Variants in LRRC74A observed in about 807,000 individuals in gnomAD.
LRRC74A encodes leucine rich repeat containing 74A.
A neutral mutation model predicts 57.9 loss-of-function variants in LRRC74A; 44 were observed. That is an observed-to-expected ratio of 0.76 (90% confidence interval 0.60 to 0.98). LRRC74A has a LOEUF of 0.98. LRRC74A is among the 50% of genes least tolerant of loss of function. The pLI, the probability that LRRC74A is intolerant of heterozygous loss-of-function variation, is 0.00. For synonymous variants in LRRC74A, 211 were observed against 219.4 expected (o/e 0.96, Z 0.34); for missense variants, 572 against 574.0 (o/e 1.00, Z 0.04).
intron 11 of LRRC74A, among the ~76,000 whole-genome samples, chr14:76,862,757 T>C (rs1217006060): frequency 1.3e-5 from 2 of 151,658 alleles, no homozygotes; most frequent in Non-Finnish European, 1.5e-5. Flanking sequence ...CCAGCAAAGG[T>C]GCTGAGGTGG....
At chr14:76,865,918 C>A (rs754207024) in intron 11 of LRRC74A, 50 bp from the exon 12 acceptor site, 1 of 1,376,698 alleles carries the variant, frequency 7.3e-7, no homozygotes, top group East Asian at 2.4e-5. Context: ...GACCTGCGAT[C>A]GTTGTTACAA....
In LRRC74A at chr14:76,853,353, A is replaced by C. The variant is rs1897645986; in HGVS notation, c.900A>C (p.Glu300Asp). ...TCGGTGGCAATGACATCGGCAATGA[A>C]GGGGCCTCCAAAATCAGCAAAGGAC... ...LDIGGNDIGNEGASKISKGLE... is the reference protein window; with the variant it reads ...LDIGGNDIGNDGASKISKGLE... The change falls in exon 9 of 14, where the codon GAA becomes GAC. Residue 300 changes from glutamate to aspartate, a missense_variant. Glu to Asp is a conservative substitution (Grantham distance 45). Coordinates refer to ENST00000689127, the MANE Select transcript of LRRC74A (RefSeq NM_001385106.1). 1.9e-6 allele frequency: 3 copies of C among 1,613,166 alleles called. No individual in the cohort carries two copies. Among genetic ancestry groups the C allele is most frequent in the Non-Finnish European group, 2.5e-6 (3 of 1,179,688 alleles).
intron 11 of LRRC74A, among the ~76,000 whole-genome samples, chr14:76,861,798 G>A (rs1898331404): frequency 6.6e-6 from 1 of 152,248 alleles, no homozygotes; most frequent in Non-Finnish European, 1.5e-5. Flanking sequence ...GCTGGCCGCA[G>A]AGCGGTTACT....
chr14:76,861,791 G>A (rs781581074), intron 11 of LRRC74A, among the ~76,000 whole-genome samples: 5 of 152,238 alleles, frequency 3.3e-5, no homozygotes, highest in Non-Finnish European at 7.3e-5. Flanking sequence ...GCCTGCTGCT[G>A]GCCGCAGAGC....
chr14:76,838,124 C>A (rs1330496212), intron 5 of LRRC74A, among the ~76,000 whole-genome samples, 153 bp downstream of exon 5: 4 of 152,124 alleles, frequency 2.6e-5, no homozygotes, highest in Admixed American at 6.5e-5. Flanking sequence ...CCCTCCCAGT[C>A]ACACTCCCCT....
Position 76,836,547 on chromosome 14 carries a change from C to A in LRRC74A, c.447+233C>A, listed in dbSNP as rs550201768. 2.4e-4 allele frequency among the ~76,000 whole-genome samples: 36 copies of A among 152,306 alleles called. 1 individual carries two copies. The South Asian group carries it at 7.5e-3, about 32-fold the overall frequency. On this transcript the variant is annotated intron_variant, in intron 4 of 13. Transcript: ENST00000689127. ...GGGCGCGGTGGCTCACACCTGCAAT[C>A]CCAGCACTTTGGGAGGCCGAGGTGG... is the stretch of plus-strand genomic sequence containing the variant.
intron 1 of LRRC74A, among the ~76,000 whole-genome samples, chr14:76,828,023 G>A (rs1384403305): frequency 1.3e-5 from 2 of 152,198 alleles, no homozygotes; most frequent in Non-Finnish European, 2.9e-5. Flanking sequence ...TCCAAGGCAC[G>A]CCTCAGACAG....
rs1897989797 is a variant in LRRC74A at position 76,857,449 on chromosome 14, T to G, written c.1027T>G (p.Ser343Ala). 6.3e-7 allele frequency: 1 copy of G among 1,583,974 alleles called. No individual in the cohort carries two copies. Among genetic ancestry groups the G allele is most frequent in the Non-Finnish European group, 8.6e-7 (1 of 1,163,534 alleles). The change falls in exon 10 of 14, where the codon TCC becomes GCC. Residue 343 changes from serine to alanine, a missense_variant. Physicochemically the swap from Ser to Ala is moderately conservative, Grantham distance 99 (BLOSUM62 1). Transcript: ENST00000689127. ...CCTGGCTATCAAGAGGAACCCCAAA[T>G]CCAGGATGGAAGAGCTTGATATTTC... ...LILAIKRNPKSRMEELDISNV... is the reference protein window; with the variant it reads ...LILAIKRNPKARMEELDISNV...
chr14:76,852,482 C>A, intron 8 of LRRC74A, 32 bp downstream of exon 8: 1 of 1,520,108 alleles, frequency 6.6e-7, no homozygotes, highest in Non-Finnish European at 9.0e-7. Context: ...ATGTGTGGAG[C>A]CCAGTTGAGG....
intron 4 of LRRC74A, among the ~76,000 whole-genome samples, chr14:76,836,969 C>T (rs1190113071): frequency 3.3e-5 from 5 of 151,738 alleles, no homozygotes; most frequent in African/African-American, 9.7e-5. Context: ...GGTGGAACCC[C>T]GCCTCTACTA....
At chr14:76,832,140 A>G (rs2140257893) in intron 3 of LRRC74A, among the ~76,000 whole-genome samples, 1 of 151,704 alleles carries the variant, frequency 6.6e-6, no homozygotes, top group East Asian at 1.9e-4. Context: ...GAATGAACAG[A>G]GAAAAATAAA....
At chr14:76,848,969 G>A (rs1247943245) in intron 7 of LRRC74A, among the ~76,000 whole-genome samples, 1 of 152,176 alleles carries the variant, frequency 6.6e-6, no homozygotes, top group African/African-American at 2.4e-5. Context: ...AGTGAAGTAG[G>A]AGGCAAGATC....
chr14:76,845,790 G>A (rs1256199709), intron 7 of LRRC74A, among the ~76,000 whole-genome samples: 2 of 152,266 alleles, frequency 1.3e-5, no homozygotes, highest in Admixed American at 6.5e-5. Context: ...GGAGGCCGAG[G>A]TGGGCAGATC....
At chr14:76,869,109 GC>G (rs1899216793) in intron 13 of LRRC74A, among the ~76,000 whole-genome samples, 2 of 66,210 alleles carry the variant, frequency 3.0e-5, no homozygotes, top group Non-Finnish European at 6.4e-5. Flanking sequence ...CCTGCCCCGT[GC>G]CTCCTCACCT....
At chr14:76,848,395 T>A (rs1451504884) in intron 7 of LRRC74A, among the ~76,000 whole-genome samples, 2 of 142,908 alleles carry the variant, frequency 1.4e-5, no homozygotes, top group Non-Finnish European at 3.1e-5. Flanking sequence ...TGAGACTCCA[T>A]CTCAAAAAAA....
chr14:76,836,959 G>T (rs1054313697), intron 4 of LRRC74A, among the ~76,000 whole-genome samples: 7 of 151,966 alleles, frequency 4.6e-5, no homozygotes, highest in Non-Finnish European at 1.0e-4. Context: ...TGGCCAACAT[G>T]GTGGAACCCC....
At chr14:76,850,193 C>T (rs916614804) in intron 7 of LRRC74A, among the ~76,000 whole-genome samples, 2 of 151,980 alleles carry the variant, frequency 1.3e-5, no homozygotes, top group Non-Finnish European at 2.9e-5. Flanking sequence ...GGGCGACAGA[C>T]GGAGACCCCG....
chr14:76,849,390 C>T (rs1179858760), intron 7 of LRRC74A, among the ~76,000 whole-genome samples: 1 of 151,950 alleles, frequency 6.6e-6, no homozygotes, highest in African/African-American at 2.4e-5. Context: ...CACCTGACCT[C>T]AAGTGATCCA....
rs1023788303 is a variant in LRRC74A, at chr14:76,828,357, C to T, written c.104C>T (p.Pro35Leu). ...ATGCTCTACTGTGAGGCCGAATCCC[C>T]GCCGACTGTTGAAAAAGTGAAACCA... ...DKMLYCEAES[P>L]PTVEKVKPAR... The change falls in exon 2 of 14, where the codon CCG (proline) becomes CTG (leucine). Residue 35 changes from proline (P) to leucine (L), a missense_variant. By Grantham distance (98) the Pro-to-Leu change is moderately conservative. Transcript: ENST00000689127. 6.2e-6 allele frequency: 10 copies of T among 1,613,730 alleles called. No individual in the cohort carries two copies. The highest frequency in any genetic ancestry group is 3.3e-5 in the Admixed American group (2 of 60,000).
Sources: gnomAD v4.1 joint callset for allele counts (sites outside exome capture counted in the v4.1 genomes callset) on GRCh38, gnomAD v4.1.1 for gene constraint, MANE v1.5 for transcripts, NCBI Gene and HGNC (gene_info 2026-07-23, HGNC 2026-07-21) for gene names.